Variants in NTM observed in about 807,000 individuals in gnomAD.
NTM encodes neurotrimin, also known as IgLON family member 2.
A neutral mutation model predicts 42.1 loss-of-function variants in NTM; 13 were observed. The ratio of observed to expected loss-of-function variants is 0.31; its 90% CI spans 0.20 to 0.49. The LOEUF (loss-of-function observed/expected upper bound fraction) is 0.49, where lower values mean the gene tolerates loss of function less well. Ranked by LOEUF, NTM falls within the 20% of genes least tolerant of loss-of-function variation. The pLI is 0.99. For missense variants in NTM, 373 were observed against 452.8 expected, an observed-to-expected ratio of 0.82 and a Z score of 1.60; for synonymous variants, 187 against 179.2, an observed-to-expected ratio of 1.04 and a Z score of -0.35.
chr11:131,414,438 A>T (rs958486765), intron 1 of NTM, among the ~76,000 whole-genome samples: 5 of 152,126 alleles, frequency 3.3e-5, no homozygotes, highest in African/African-American at 1.2e-4. Flanking sequence ...GGTTGGACCC[A>T]AGTTTCTCCC....
intron 4 of NTM, among the ~76,000 whole-genome samples, chr11:132,290,591 T>C (rs1261812195): frequency 2.0e-5 from 3 of 152,246 alleles, no homozygotes; most frequent in East Asian, 3.8e-4. Context: ...AGCTTTATTT[T>C]TGTGCATTTA....
chr11:132,052,338 T>C (rs1263826852), intron 2 of NTM, among the ~76,000 whole-genome samples: 1 of 152,196 alleles, frequency 6.6e-6, no homozygotes, highest in African/African-American at 2.4e-5. Flanking sequence ...GCATTCTCTC[T>C]AAGTTTGGGA....
intron 1 of NTM, among the ~76,000 whole-genome samples, chr11:131,637,872 C>A (rs1337347990): frequency 1.3e-5 from 2 of 152,052 alleles, no homozygotes; most frequent in African/African-American, 4.8e-5. Flanking sequence ...TAAATGTGCT[C>A]TCAACAATGG....
At chr11:132,115,466 G>C (rs2063751772) in intron 2 of NTM, among the ~76,000 whole-genome samples, 1 of 152,172 alleles carries the variant, frequency 6.6e-6, no homozygotes, top group South Asian at 2.1e-4. Flanking sequence ...CCCCAAGAAA[G>C]CTGAAGAAAA....
At chr11:132,274,872 A>G (rs1331414539) in intron 4 of NTM, among the ~76,000 whole-genome samples, 1 of 151,998 alleles carries the variant, frequency 6.6e-6, no homozygotes, top group African/African-American at 2.4e-5. Context: ...CTTAGTAATG[A>G]TGTTGAATAT....
At chr11:131,606,103 G>C (rs750026397) in intron 1 of NTM, among the ~76,000 whole-genome samples, 44 of 152,060 alleles carry the variant, frequency 2.9e-4, no homozygotes, top group Non-Finnish European at 4.9e-4. Context: ...GAGTGCAGTG[G>C]TGCCATCGCA....
At chr11:131,888,983 A>G (rs2050831352) in intron 1 of NTM, among the ~76,000 whole-genome samples, 2 of 151,000 alleles carry the variant, frequency 1.3e-5, no homozygotes, top group South Asian at 2.1e-4. Context: ...CTCTCTTTTC[A>G]TTGAGCTGCA....
chr11:131,735,835 G>GGGGTGTGTGTGTGTGTGT (rs1491265028), intron 1 of NTM, among the ~76,000 whole-genome samples: 15 of 121,298 alleles, frequency 1.2e-4, no homozygotes, highest in African/African-American at 4.0e-4. Context: ...CCATTCATAA[G>GGGGTGTGTGTGTGTGTGT]GTGTGTGTGT....
intron 4 of NTM, among the ~76,000 whole-genome samples, chr11:132,305,594 T>A (rs977260553): frequency 6.6e-6 from 1 of 152,180 alleles, no homozygotes; most frequent in African/African-American, 2.4e-5. Context: ...CCGAGATGCT[T>A]GGCACAGTAA....
intron 1 of NTM, among the ~76,000 whole-genome samples, chr11:131,517,113 C>G (rs1330051862): frequency 6.6e-6 from 1 of 152,164 alleles, no homozygotes; most frequent in Non-Finnish European, 1.5e-5. Context: ...TTGGTGTGAT[C>G]ACAATGTCTG....
At chr11:131,841,870 GA>G (rs2044298553) in intron 1 of NTM, among the ~76,000 whole-genome samples, 1 of 152,200 alleles carries the variant, frequency 6.6e-6, no homozygotes, top group Admixed American at 6.5e-5. Flanking sequence ...GTCCCACTCA[GA>G]AATCTGTGAT....
At chr11:131,899,021 A>G (rs757721264) in intron 1 of NTM, among the ~76,000 whole-genome samples, 10 of 152,160 alleles carry the variant, frequency 6.6e-5, no homozygotes, top group Admixed American at 2.0e-4. Context: ...GTAGGCTGAC[A>G]CGGGGATGCA....
intron 2 of NTM, among the ~76,000 whole-genome samples, chr11:131,970,464 T>G (rs2063384335): frequency 6.6e-6 from 1 of 152,208 alleles, no homozygotes; most frequent in African/African-American, 2.4e-5. Flanking sequence ...AACTTTATCC[T>G]TCCCGAATTG....
At chr11:131,389,024 A>AAAAAAAAAAAG (rs774146196) in intron 1 of NTM, among the ~76,000 whole-genome samples, 2 of 89,914 alleles carry the variant, frequency 2.2e-5, no homozygotes, top group African/African-American at 4.6e-5. Flanking sequence ...AAAAAAAAAA[A>AAAAAAAAAAAG]AAAAGAAAAG....
intron 2 of NTM, among the ~76,000 whole-genome samples, chr11:131,956,887 C>T (rs942415955): frequency 6.6e-6 from 1 of 152,116 alleles, no homozygotes; most frequent in East Asian, 1.9e-4. Context: ...GCAAAACTCT[C>T]CACCAACCAG....
chr11:132,008,049 T>A (rs1396063456), intron 2 of NTM, among the ~76,000 whole-genome samples: 1 of 152,040 alleles, frequency 6.6e-6, no homozygotes, highest in Non-Finnish European at 1.5e-5. Context: ...TAACAAGGAA[T>A]TTGGGGAAAT....
intron 1 of NTM, among the ~76,000 whole-genome samples, chr11:131,718,991 C>G (rs2078032643): frequency 6.6e-6 from 1 of 152,118 alleles, no homozygotes; most frequent in Admixed American, 6.5e-5. Context: ...CTTATAGCAG[C>G]CTCAGCCTCC....
intron 2 of NTM, among the ~76,000 whole-genome samples, chr11:131,952,058 T>TC (rs1278591647): frequency 1.3e-5 from 2 of 151,812 alleles, no homozygotes; most frequent in Non-Finnish European, 2.9e-5. Flanking sequence ...CACTTTTTTT[T>TC]CCTCTGTGTC....
chr11:131,899,271 A>G (rs1846127446), intron 1 of NTM, among the ~76,000 whole-genome samples: 1 of 152,188 alleles, frequency 6.6e-6, no homozygotes, highest in South Asian at 2.1e-4. Flanking sequence ...AAGCATGTGA[A>G]GGATTGGAAA....
Sources: gnomAD v4.1 joint callset for allele counts (sites outside exome capture counted in the v4.1 genomes callset) on GRCh38, gnomAD v4.1.1 for gene constraint, MANE v1.5 for transcripts, NCBI Gene and HGNC (gene_info 2026-07-23, HGNC 2026-07-21) for gene names.